PDE1C: variants seen among roughly 807,000 people sequenced by gnomAD.
PDE1C encodes the protein phosphodiesterase 1C, also known as dual specificity calcium/calmodulin-dependent 3',5'-cyclic nucleotide phosphodiesterase 1C.
A neutral mutation model predicts 93.1 loss-of-function variants in PDE1C; 62 were observed. The ratio of observed to expected loss-of-function variants is 0.67; its 90% CI spans 0.54 to 0.82. The LOEUF is 0.82. Among genes scored for constraint, PDE1C ranks in the 40% least tolerant of loss-of-function variants. PDE1C has a pLI of 0.00. For missense variants in PDE1C, 742 were observed against 884.6 expected (o/e 0.84, Z 2.04); for synonymous variants, 325 against 310.1 (o/e 1.05, Z -0.50).
At chr7:32,195,864 T>C (rs181805937) in intron 2 of PDE1C, among the ~76,000 whole-genome samples, 159 of 152,266 alleles carry the variant, frequency 1.0e-3, no homozygotes, top group African/African-American at 3.6e-3. Flanking sequence ...CATTGCTCCA[T>C]TGACACCTGA....
the PDE1C span, among the ~76,000 whole-genome samples, chr7:31,657,530 G>A: frequency 2.6e-5 from 4 of 152,166 alleles, no homozygotes; most frequent in Admixed American, 2.0e-4. Context: ...CCACCACATA[G>A]GAATGCTTTT....
At chr7:31,775,780 C>A in intron 16 of PDE1C, 48 bp from the exon 17 acceptor site, 4 of 1,470,856 alleles carry the variant, frequency 2.7e-6, no homozygotes, top group Non-Finnish European at 2.9e-6. Context: ...TGTGGAAAAA[C>A]CTGTTGGACA....
chr7:31,865,736 C>T (rs1188539715), intron 6 of PDE1C, among the ~76,000 whole-genome samples: 1 of 151,974 alleles, frequency 6.6e-6, no homozygotes, highest in Non-Finnish European at 1.5e-5. Flanking sequence ...TTTGTTTTTG[C>T]TTGGTTTTGG....
Position 32,089,481 on chromosome 7 carries a change from G to C in PDE1C, c.308+80304C>G, listed in dbSNP as rs567876686. ...CTATGATTTTGCAATTACCAACCAC[G>C]TCAAGCTATCTTTAAGCAGCTTTAA... On this transcript the variant is annotated intron_variant, in intron 3 of 18. Coordinates refer to the PDE1C transcript ENST00000396193. Among the ~76,000 whole-genome samples, 12 of 152,226 alleles carry C rather than the reference G, an allele frequency of 7.9e-5. No individual in the cohort carries two copies. In the South Asian group the frequency reaches 1.7e-3, roughly 21 times the overall value.
chr7:32,344,991 C>A (rs1228205535), intron 1 of PDE1C, among the ~76,000 whole-genome samples: 1 of 152,152 alleles, frequency 6.6e-6, no homozygotes, highest in Non-Finnish European at 1.5e-5. Context: ...AACTGAGGTT[C>A]ATGCTAATCC....
chr7:32,031,974 G>C (rs542554834), intron 2 of PDE1C, among the ~76,000 whole-genome samples: 1 of 152,220 alleles, frequency 6.6e-6, no homozygotes, highest in South Asian at 2.1e-4. Flanking sequence ...AGTAGTCAGA[G>C]ACTAGATGCT....
At chr7:32,162,409 T>C (rs551041563) in intron 3 of PDE1C, among the ~76,000 whole-genome samples, 8 of 152,122 alleles carry the variant, frequency 5.3e-5, no homozygotes, top group Non-Finnish European at 1.2e-4. Flanking sequence ...TAGAAGCAGA[T>C]GTCAAGACAG....
intron 1 of PDE1C, among the ~76,000 whole-genome samples, chr7:32,305,792 G>T (rs1409730883): frequency 2.0e-5 from 3 of 152,254 alleles, no homozygotes; most frequent in Non-Finnish European, 2.9e-5. Flanking sequence ...AGTTAGGAAA[G>T]GGTACCCTTC....
chr7:31,621,882 T>C, the PDE1C span, among the ~76,000 whole-genome samples: 2 of 151,774 alleles, frequency 1.3e-5, no homozygotes, highest in East Asian at 3.9e-4. Flanking sequence ...CAGAGACACA[T>C]AGGCTCAAAA....
intron 1 of PDE1C, among the ~76,000 whole-genome samples, chr7:32,304,745 A>G (rs919655467): frequency 2.0e-5 from 3 of 152,164 alleles, no homozygotes; most frequent in Non-Finnish European, 4.4e-5. Context: ...TGGACATAAA[A>G]TACCTATCTC....
chr7:32,171,981 T>C (rs925918829), intron 2 of PDE1C, among the ~76,000 whole-genome samples: 79 of 150,956 alleles, frequency 5.2e-4, no homozygotes, highest in African/African-American at 1.9e-3. Flanking sequence ...ATGAGATCTC[T>C]ATATTATCTT....
intron 1 of PDE1C, among the ~76,000 whole-genome samples, chr7:32,271,721 C>T (rs188448656): frequency 1.4e-3 from 206 of 152,262 alleles, no homozygotes; most frequent in Admixed American, 2.1e-3. Flanking sequence ...AGCAACAGGG[C>T]CTCCACATTA....
intron 1 of PDE1C, among the ~76,000 whole-genome samples, chr7:32,417,382 T>C (rs1785296875): frequency 6.6e-6 from 1 of 151,792 alleles, no homozygotes; most frequent in African/African-American, 2.4e-5. Context: ...TGTCTAATAA[T>C]AAAAACACCT....
chr7:32,052,501 G>T (rs1257901546), intron 1 of PDE1C, among the ~76,000 whole-genome samples: 1 of 152,164 alleles, frequency 6.6e-6, no homozygotes, highest in Non-Finnish European at 1.5e-5. Flanking sequence ...CACTGGAGGG[G>T]ATTAGAGGAG....
intron 3 of PDE1C, among the ~76,000 whole-genome samples, chr7:32,095,780 C>T (rs760893966): frequency 2.0e-5 from 3 of 152,116 alleles, no homozygotes; most frequent in Non-Finnish European, 2.9e-5. Flanking sequence ...ACTATCCTTA[C>T]GCGATGTGAA....
At position 31,837,056 on chromosome 7, in the gene PDE1C, G is replaced by C. The variant is rs1378957357; in HGVS notation, c.1203+124C>G. 3.5e-6 allele frequency: 3 copies of C among 855,270 alleles called. No individual in the cohort carries two copies. In the African/African-American group the frequency reaches 5.2e-5, roughly 15 times the overall value. The allele number at this position is 855,270 out of a possible 1,614,324, so 53.0% of individuals were successfully genotyped here. On this transcript the variant is annotated intron_variant, in intron 11 of 17. Transcript: ENST00000396191. ...TGACCAAGAGGCAAAATAATCTGTG[G>C]AGCCCCCCTCCCCTCTCCAAAATTA... is the stretch of plus-strand genomic sequence containing the variant.
At chr7:31,862,849 C>T (rs1794842034) in intron 7 of PDE1C, among the ~76,000 whole-genome samples, 1 of 152,078 alleles carries the variant, frequency 6.6e-6, no homozygotes, top group Non-Finnish European at 1.5e-5. Flanking sequence ...GATATATTTG[C>T]CTATTTTTTC....
intron 3 of PDE1C, among the ~76,000 whole-genome samples, chr7:32,166,281 G>A (rs1399419595): frequency 6.6e-6 from 1 of 152,152 alleles, no homozygotes; most frequent in African/African-American, 2.4e-5. Flanking sequence ...CTGAAACCCA[G>A]TACAACCACT....
At chr7:31,980,456 C>T (rs1812236916) in intron 2 of PDE1C, among the ~76,000 whole-genome samples, 1 of 152,154 alleles carries the variant, frequency 6.6e-6, no homozygotes, top group Non-Finnish European at 1.5e-5. Flanking sequence ...CCAAGGGCTT[C>T]AGTAAATCCT....
Sources: allele counts gnomAD v4.1 joint callset (sites outside exome capture counted in the v4.1 genomes callset), GRCh38; gene constraint gnomAD v4.1.1; transcripts MANE v1.5; gene names NCBI Gene and HGNC (gene_info 2026-07-23, HGNC 2026-07-21).